PLAAT3: variants seen among roughly 807,000 people sequenced by gnomAD.
PLAAT3 encodes the protein Ca-independent phospholipase A1/2.
Under a neutral mutation model 16.7 loss-of-function variants are expected in PLAAT3, and 21 were observed. The observed-to-expected ratio is 1.26, with a 90% CI of 0.89 to 1.81. The LOEUF is 1.81. Ranked by LOEUF, PLAAT3 falls within the 40% of genes most tolerant of loss-of-function variation. The pLI is 0.00. For missense variants in PLAAT3, 219 were observed against 213.7 expected, an observed-to-expected ratio of 1.02 and a Z score of -0.16; for synonymous variants, 76 against 81.7, an observed-to-expected ratio of 0.93 and a Z score of 0.38.
intron 4 of PLAAT3, among the ~76,000 whole-genome samples, chr11:63,576,782 T>C (rs1231041848): frequency 3.3e-5 from 5 of 152,198 alleles, no homozygotes; most frequent in Non-Finnish European, 7.3e-5. Flanking sequence ...AGTTGAATAA[T>C]AAATCTTGGT....
At chr11:63,587,300 G>T (rs1938006821) in intron 4 of PLAAT3, among the ~76,000 whole-genome samples, 1 of 151,820 alleles carries the variant, frequency 6.6e-6, no homozygotes, top group Non-Finnish European at 1.5e-5. Context: ...AGGATGAAGA[G>T]AAGATTCTAT....
At chr11:63,614,214 T>C in intron 1 of PLAAT3, 146 bp from the exon 2 acceptor site, 2 of 640,176 alleles carry the variant, frequency 3.1e-6, no homozygotes, top group East Asian at 3.1e-5. Flanking sequence ...AACAACTTTC[T>C]CGCCGGGGCC....
intron 2 of PLAAT3, among the ~76,000 whole-genome samples, chr11:63,606,924 A>G (rs971113710): frequency 6.6e-6 from 1 of 152,206 alleles, no homozygotes; most frequent in Admixed American, 6.5e-5. Context: ...TCAGGATCCA[A>G]CTTGGGTTTT....
intron 2 of PLAAT3, among the ~76,000 whole-genome samples, chr11:63,611,157 G>C (rs756123367): frequency 6.6e-6 from 1 of 152,046 alleles, no homozygotes; most frequent in Non-Finnish European, 1.5e-5. Context: ...ACCCAGGCTG[G>C]AGTGCACTGG....
intron 3 of PLAAT3, among the ~76,000 whole-genome samples, chr11:63,592,387 G>A (rs1004818873): frequency 9.1e-5 from 9 of 99,060 alleles, no homozygotes; most frequent in African/African-American, 2.2e-4. Context: ...GGCTGGTCTC[G>A]AACTCAAGCC....
chr11:63,592,368 T>C (rs1301615983), intron 3 of PLAAT3, among the ~76,000 whole-genome samples: 1 of 151,404 alleles, frequency 6.6e-6, no homozygotes, highest in East Asian at 2.0e-4. Flanking sequence ...GGTTTCACCA[T>C]GTTGGCCAGG....
At chr11:63,601,703 C>A (rs1404843639) in intron 2 of PLAAT3, among the ~76,000 whole-genome samples, 1 of 152,148 alleles carries the variant, frequency 6.6e-6, no homozygotes, top group East Asian at 1.9e-4. Context: ...TGGCCGGATG[C>A]AGTGGCTCAC....
intron 4 of PLAAT3, among the ~76,000 whole-genome samples, chr11:63,580,910 T>G (rs1436906159): frequency 6.6e-6 from 1 of 152,228 alleles, no homozygotes; most frequent in African/African-American, 2.4e-5. Flanking sequence ...CATAAATTGT[T>G]AAGATTTCAT....
chr11:63,602,281 G>A (rs1268184162), intron 2 of PLAAT3, among the ~76,000 whole-genome samples: 2 of 19,842 alleles, frequency 1.0e-4, no homozygotes, highest in South Asian at 3.6e-3. Flanking sequence ...CAGTGAAACT[G>A]TCTCAAAAAA....
intron 4 of PLAAT3, among the ~76,000 whole-genome samples, chr11:63,579,423 C>T (rs1200707187): frequency 1.3e-5 from 2 of 151,984 alleles, no homozygotes; most frequent in African/African-American, 2.4e-5. Flanking sequence ...CACATGCACA[C>T]GTATGTTTAT....
upstream of PLAAT3, among the ~76,000 whole-genome samples, chr11:63,615,376 GTGTATATATA>G (rs1448206705): frequency 1.8e-3 from 198 of 112,954 alleles, 40 homozygotes; most frequent in African/African-American, 5.9e-3. Context: ...ATATATATGT[GTGTATATATA>G]TGTGTATATA....
chr11:63,597,123 C>G (rs369542513), intron 3 of PLAAT3, among the ~76,000 whole-genome samples: 3 of 152,072 alleles, frequency 2.0e-5, no homozygotes, highest in East Asian at 3.9e-4. Flanking sequence ...GGCACTCCCC[C>G]GCCTCCTGCC....
At chr11:63,589,972 C>A in intron 4 of PLAAT3, 128 bp downstream of exon 4, 5 of 761,832 alleles carry the variant, frequency 6.6e-6, no homozygotes, top group African/African-American at 1.8e-5. Flanking sequence ...CCAACTGTGA[C>A]ATCCTCAAGG....
intron 3 of PLAAT3, among the ~76,000 whole-genome samples, chr11:63,597,329 C>A (rs911849047): frequency 2.0e-5 from 3 of 152,040 alleles, no homozygotes; most frequent in Non-Finnish European, 4.4e-5. Context: ...TCGAGACCAT[C>A]CTGGCTAACA....
chr11:63,575,421 G>A (rs1236319038), intron 4 of PLAAT3, among the ~76,000 whole-genome samples: 2 of 152,232 alleles, frequency 1.3e-5, no homozygotes, highest in Admixed American at 1.3e-4. Flanking sequence ...GGGAGGAATT[G>A]TTATTGAGTA....
At chr11:63,579,123 T>G (rs1937714554) in intron 4 of PLAAT3, among the ~76,000 whole-genome samples, 4 of 152,104 alleles carry the variant, frequency 2.6e-5, no homozygotes, top group African/African-American at 9.7e-5. Context: ...CATGAAAAAA[T>G]GCTCATCATC....
chr11:63,611,490 C>T (rs183460290), intron 2 of PLAAT3, among the ~76,000 whole-genome samples: 1 of 152,284 alleles, frequency 6.6e-6, no homozygotes, highest in African/African-American at 2.4e-5. Context: ...CCTTCTAAAA[C>T]TTTTGTCTTC....
intron 2 of PLAAT3, among the ~76,000 whole-genome samples, chr11:63,605,471 T>C (rs1938531185): frequency 6.6e-6 from 1 of 152,202 alleles, no homozygotes; most frequent in Non-Finnish European, 1.5e-5. Context: ...GATTGTGCAA[T>C]TATGTGACTG....
At chr11:63,599,886 TGTTGAGTAATAAG>T (rs1242166971) in intron 2 of PLAAT3, among the ~76,000 whole-genome samples, 9 of 152,118 alleles carry the variant, frequency 5.9e-5, no homozygotes, top group African/African-American at 1.9e-4. Context: ...AGTAAGACCA[TGTTGAGTAATAAG>T]CAGCTGGCAG....
Sources: gnomAD v4.1 joint callset for allele counts (sites outside exome capture counted in the v4.1 genomes callset) on GRCh38, gnomAD v4.1.1 for gene constraint, MANE v1.5 for transcripts, NCBI Gene and HGNC (gene_info 2026-07-23, HGNC 2026-07-21) for gene names.